MCC: variants seen among roughly 807,000 people sequenced by gnomAD.
MCC encodes MCC regulator of Wnt signaling pathway.
In MCC, 90 loss-of-function variants were observed where a neutral mutation model predicts 116.2. The ratio of observed to expected loss-of-function variants is 0.77; its 90% CI spans 0.65 to 0.92. The LOEUF (loss-of-function observed/expected upper bound fraction) is 0.92. Ranked by LOEUF, MCC falls within the 40% of genes least tolerant of loss-of-function variation. The pLI is 0.00. For missense variants in MCC, 1,516 were observed against 1,312.2 expected (o/e 1.16, Z -2.40); for synonymous variants, 578 against 510.5 (o/e 1.13, Z -1.78).
intron 3 of MCC, among the ~76,000 whole-genome samples, chr5:113,244,787 T>C (rs111918038): frequency 0.02 from 3,112 of 152,302 alleles, 35 homozygotes; most frequent in Middle Eastern, 0.027. Context: ...AAACAATGTT[T>C]CACTTTACTA....
intron 17 of MCC, among the ~76,000 whole-genome samples, chr5:113,036,119 C>T (rs1751317861): frequency 7.0e-6 from 1 of 143,540 alleles, no homozygotes; most frequent in South Asian, 2.2e-4. Flanking sequence ...TCAACACAAC[C>T]TCCAACCCCT....
In MCC at chr5:113,064,064, G is replaced by A. The variant is rs536644067; in HGVS notation, c.2133C>T (p.Asp711=). The A allele has an allele frequency of 3.6e-5, 58 of 1,614,170 alleles. No individual in the cohort carries two copies. The highest frequency in any genetic ancestry group is 2.5e-4 in the East Asian group (11 of 44,876). The stretch of plus-strand genomic sequence containing the variant: ...CGGCAAAGGCTCCCCCACAGCTGCC[G>A]TCCAGCTTCATGAGCAGGGCCTTGG... ...NAAKALLMKL[D]GSCGGAFAVA... The change falls in exon 14 of 19, where the codon GAC becomes GAT. Residue 711 remains aspartate (D), a synonymous_variant. Coordinates refer to ENST00000408903, the MANE Select transcript of MCC (RefSeq NM_001085377.2).
intron 3 of MCC, among the ~76,000 whole-genome samples, chr5:113,244,997 A>G (rs1379093968): frequency 2.0e-5 from 3 of 152,244 alleles, no homozygotes; most frequent in African/African-American, 4.8e-5. Flanking sequence ...CAGAAGTGCC[A>G]TATTAAATCA....
intron 1 of MCC, among the ~76,000 whole-genome samples, chr5:113,463,740 G>A (rs1032391441): frequency 1.3e-5 from 2 of 152,168 alleles, no homozygotes; most frequent in African/African-American, 4.8e-5. Flanking sequence ...AGAGGACCGA[G>A]CTGGACATTT....
At chr5:113,054,294 A>G (rs558918820) in intron 14 of MCC, among the ~76,000 whole-genome samples, 50 of 152,368 alleles carry the variant, frequency 3.3e-4, no homozygotes, top group African/African-American at 1.2e-3. Flanking sequence ...TATCAAAAGG[A>G]GGGAAATCAT....
At chr5:113,421,700 T>G (rs1451445915) in intron 1 of MCC, among the ~76,000 whole-genome samples, 1 of 152,172 alleles carries the variant, frequency 6.6e-6, no homozygotes, top group African/African-American at 2.4e-5. Flanking sequence ...CACTTCATTT[T>G]CCCCACTATT....
At chr5:113,199,189 A>G (rs1762571209) in intron 3 of MCC, among the ~76,000 whole-genome samples, 2 of 152,080 alleles carry the variant, frequency 1.3e-5, no homozygotes, top group Non-Finnish European at 2.9e-5. Flanking sequence ...AAAAAAAGAA[A>G]GAAATGAAAT....
intron 3 of MCC, among the ~76,000 whole-genome samples, chr5:113,244,022 A>G (rs1764480383): frequency 6.6e-6 from 1 of 152,256 alleles, no homozygotes; most frequent in Non-Finnish European, 1.5e-5. Flanking sequence ...AACAGATGAC[A>G]GGATCCATTC....
chr5:113,099,286 G>A lies in MCC; in HGVS notation c.1398+2453C>T, dbSNP rs562343548. Reference sequence around the variant, plus strand: ...TACTAGTTGCACAAACTTATAAAAGGTAACAGATGTGACTGGAAGAAAGGC... The same window carrying A: ...TACTAGTTGCACAAACTTATAAAAGATAACAGATGTGACTGGAAGAAAGGC... On this transcript the variant is annotated intron_variant, in intron 8 of 18. Coordinates refer to ENST00000408903, the MANE Select transcript of MCC (RefSeq NM_001085377.2). Among the ~76,000 whole-genome samples the A allele has an allele frequency of 2.4e-4, 36 of 152,230 alleles. No individual in the cohort carries two copies. The South Asian group carries it at 6.2e-3, about 26-fold the overall frequency.
chr5:113,330,961 C>G (rs1222741073), intron 3 of MCC, among the ~76,000 whole-genome samples: 12 of 152,200 alleles, frequency 7.9e-5, no homozygotes, highest in Non-Finnish European at 1.6e-4. Flanking sequence ...TGGACCTGAA[C>G]AAGGTTTCAG....
intron 8 of MCC, among the ~76,000 whole-genome samples, chr5:113,091,838 G>A (rs929269956): frequency 6.6e-6 from 1 of 151,934 alleles, no homozygotes; most frequent in African/African-American, 2.4e-5. Flanking sequence ...TGGGCTAGGA[G>A]GATCACACCA....
At chr5:113,215,616 G>C (rs1306689502) in intron 3 of MCC, among the ~76,000 whole-genome samples, 1 of 152,164 alleles carries the variant, frequency 6.6e-6, no homozygotes, top group Non-Finnish European at 1.5e-5. Flanking sequence ...GCCATCAAGT[G>C]AGGACACAGT....
chr5:113,448,336 A>T (rs536467710), intron 1 of MCC: 1 of 152,346 alleles, frequency 6.6e-6, no homozygotes, highest in African/African-American at 2.4e-5. Context: ...GGTTTAGCAT[A>T]CATAAATTCT....
intron 1 of MCC, among the ~76,000 whole-genome samples, chr5:113,388,863 C>A (rs550845255): frequency 2.6e-4 from 40 of 152,182 alleles, no homozygotes; most frequent in Non-Finnish European, 4.6e-4. Flanking sequence ...GCCTGGAAAT[C>A]TAAACCAAAT....
intron 3 of MCC, among the ~76,000 whole-genome samples, chr5:113,193,729 A>C (rs1762254398): frequency 6.6e-6 from 1 of 152,226 alleles, no homozygotes; most frequent in Admixed American, 6.5e-5. Flanking sequence ...CCACTCATCC[A>C]GAGTTTATGC....
In MCC at chr5:113,085,164, C is replaced by G. The variant is rs1755118931; in HGVS notation, c.1545G>C (p.Lys515Asn). ...ATCGGGTCCATCCCCAGGAACTCAC[C>G]TTGGCGATGGGAATGTCATTGCTGC... ...SSSSNDIPIA[K>N]IAERVKLSKT... The change falls in exon 9 of 19, where the codon AAG (lysine) becomes AAC (asparagine). Residue 515 changes from lysine to asparagine, a missense_variant and splice_region_variant. Physicochemically the swap from Lys to Asn is moderately conservative, Grantham distance 94. Transcript: ENST00000408903. 1.2e-6 allele frequency: 2 copies of G among 1,614,180 alleles called. No individual in the cohort carries two copies. Among genetic ancestry groups the G allele is most frequent in the Non-Finnish European group, 1.7e-6 (2 of 1,180,032 alleles).
chr5:113,305,415 T>C (rs1392399478), intron 3 of MCC, among the ~76,000 whole-genome samples: 1 of 152,236 alleles, frequency 6.6e-6, no homozygotes, highest in Non-Finnish European at 1.5e-5. Context: ...GTCATCACTA[T>C]AAAACCATGT....
At position 113,434,352 on chromosome 5, in the gene MCC, C is replaced by T. The variant is rs183589367; in HGVS notation, c.171-49140G>A. The T allele has an allele frequency of 4.6e-4, 746 of 1,613,676 alleles. No individual in the cohort carries two copies. Among genetic ancestry groups the T allele is most frequent in the Admixed American group, 1.7e-3 (100 of 59,996 alleles). ...TAATGCCATTCGACCACTGTCATCC[C>T]GCAGGCAGCGCTTGGAGAAGCTGAA... On this transcript the variant is annotated intron_variant, in intron 1 of 18. Transcript: ENST00000408903. The surrounding 1 kb of genome is among the most constrained non-coding windows in gnomAD (Gnocchi z 4.2).
chr5:113,266,559 G>A (rs1028097508), intron 3 of MCC, among the ~76,000 whole-genome samples: 1 of 152,110 alleles, frequency 6.6e-6, no homozygotes, highest in Non-Finnish European at 1.5e-5. Context: ...CTTTTGAGAT[G>A]AGGTGTCGCT....
Sources: allele counts gnomAD v4.1 joint callset (sites outside exome capture counted in the v4.1 genomes callset), GRCh38; gene constraint gnomAD v4.1.1; non-coding constraint Gnocchi (gnomAD v3.1); transcripts MANE v1.5; gene names NCBI Gene and HGNC (gene_info 2026-07-23, HGNC 2026-07-21).